CEP170: variants seen among roughly 807,000 people sequenced by gnomAD.
The protein encoded by CEP170 is centrosomal protein 170.
Under a neutral mutation model 151.9 loss-of-function variants are expected in CEP170, and 21 were observed. That is an observed-to-expected ratio of 0.14 (90% CI 0.10 to 0.20). The LOEUF is 0.20. Ranked by LOEUF, CEP170 falls within the 10% of genes least tolerant of loss-of-function variation. The pLI is 1.00. For synonymous variants in CEP170, 356 were observed against 648.8 expected (o/e 0.55, Z 6.86); for missense variants, 964 against 1,892.9 (o/e 0.51, Z 9.11).
At chr1:243,229,388 T>G (rs940283308) in intron 1 of CEP170, among the ~76,000 whole-genome samples, 1 of 151,998 alleles carries the variant, frequency 6.6e-6, no homozygotes, top group African/African-American at 2.4e-5. Flanking sequence ...ATATATACAT[T>G]ACGTTTCGGC....
At chr1:243,202,750 C>CA (rs1312516724) in intron 4 of CEP170, among the ~76,000 whole-genome samples, 3 of 151,914 alleles carry the variant, frequency 2.0e-5, no homozygotes, top group East Asian at 1.9e-4. Context: ...GTTTTATCCG[C>CA]AAAAAACTCA....
intron 13 of CEP170, among the ~76,000 whole-genome samples, chr1:243,161,000 G>C (rs1401358155): frequency 6.6e-6 from 1 of 151,066 alleles, no homozygotes; most frequent in African/African-American, 2.4e-5. Flanking sequence ...AATAAATCTG[G>C]ATATTTCAGT....
At chr1:243,239,182 A>C (rs1420778349) in intron 1 of CEP170, among the ~76,000 whole-genome samples, 1 of 152,224 alleles carries the variant, frequency 6.6e-6, no homozygotes, top group East Asian at 1.9e-4. Context: ...TTTTTAAAAA[A>C]CAGAAAGAAC....
At chr1:243,208,504 C>T (rs1445777654) in intron 4 of CEP170, among the ~76,000 whole-genome samples, 2 of 152,042 alleles carry the variant, frequency 1.3e-5, no homozygotes, top group African/African-American at 4.8e-5. Context: ...TCCAACCACA[C>T]TGGCTTTTAA....
At chr1:243,225,004 GA>G (rs1239742914) in intron 2 of CEP170, among the ~76,000 whole-genome samples, 171 bp downstream of exon 2, 4 of 152,148 alleles carry the variant, frequency 2.6e-5, no homozygotes, top group Non-Finnish European at 4.4e-5. Flanking sequence ...TCAAGACTTA[GA>G]ACTTTTTTTA....
chr1:243,215,832 G>A (rs1264596900), intron 3 of CEP170, among the ~76,000 whole-genome samples: 2 of 152,060 alleles, frequency 1.3e-5, no homozygotes, highest in Non-Finnish European at 2.9e-5. Flanking sequence ...TGCTGGTTTT[G>A]CAGCTTGCGG....
intron 11 of CEP170, among the ~76,000 whole-genome samples, chr1:243,170,631 G>T (rs34860261): frequency 6.6e-6 from 1 of 151,622 alleles, no homozygotes; most frequent in East Asian, 2.0e-4. Flanking sequence ...TCGTCTCTAC[G>T]AAAAACACAA....
upstream of CEP170, among the ~76,000 whole-genome samples, chr1:243,255,678 G>A (rs1468363513): frequency 1.3e-5 from 2 of 152,340 alleles, no homozygotes; most frequent in Non-Finnish European, 1.5e-5. Flanking sequence ...TACTATCTGC[G>A]TCCTTGAGTA....
chr1:243,230,233 T>A (rs2063617863), intron 1 of CEP170, among the ~76,000 whole-genome samples: 1 of 150,250 alleles, frequency 6.7e-6, no homozygotes, highest in Non-Finnish European at 1.5e-5. Context: ...ATCCAGGAGG[T>A]TGAAGCTGCA....
At position 243,126,373 on chromosome 1, in the gene CEP170, C is replaced by T. The variant is rs1186282169; in HGVS notation, c.*76G>A. ...TAGCTGACCAAGCTGTCTTGTTTTG[C>T]GTACATCAACACTATGCTGCTTCCA... On this transcript the variant is annotated 3_prime_UTR_variant, in exon 20 of 20. Coordinates refer to ENST00000366542, the MANE Select transcript of CEP170 (RefSeq NM_014812.3). 18 of 1,433,932 alleles carry T rather than the reference C, an allele frequency of 1.3e-5. No individual in the cohort carries two copies. Among genetic ancestry groups the T allele is most frequent in the Admixed American group, 1.1e-4 (5 of 46,658 alleles). The allele number at this position is 1,433,932 out of a possible 1,614,324, so 88.8% of individuals were successfully genotyped here.
At chr1:243,220,591 T>C (rs2062708914) in intron 3 of CEP170, among the ~76,000 whole-genome samples, 1 of 152,254 alleles carries the variant, frequency 6.6e-6, no homozygotes, top group African/African-American at 2.4e-5. Context: ...AATTTCTGCA[T>C]GTTCTTGTAC....
At chr1:243,161,681 T>C (rs1288482343) in intron 13 of CEP170, among the ~76,000 whole-genome samples, 2 of 151,962 alleles carry the variant, frequency 1.3e-5, no homozygotes, top group Admixed American at 6.6e-5. Flanking sequence ...ATTGGAAACA[T>C]TATGGAATTA....
chr1:243,160,614 C>T (rs1168936827), intron 13 of CEP170, among the ~76,000 whole-genome samples: 3 of 152,056 alleles, frequency 2.0e-5, no homozygotes, highest in African/African-American at 7.2e-5. Context: ...TGCAAACACG[C>T]TTCAGAAAAC....
At chr1:243,153,423 C>G (rs910651508) in intron 14 of CEP170, among the ~76,000 whole-genome samples, 11 of 152,158 alleles carry the variant, frequency 7.2e-5, no homozygotes, top group Admixed American at 6.5e-5. Context: ...CACATTGCTA[C>G]AAGGAAATCT....
intron 1 of CEP170, among the ~76,000 whole-genome samples, chr1:243,227,807 T>C (rs1228282541): frequency 6.6e-6 from 1 of 152,196 alleles, no homozygotes; most frequent in Non-Finnish European, 1.5e-5. Context: ...CTGTGGACCC[T>C]TGTAAGGTTT....
intron 1 of CEP170, chr1:243,254,544 A>G (rs1380714949): frequency 6.6e-6 from 1 of 152,162 alleles, no homozygotes; most frequent in Non-Finnish European, 1.5e-5. Context: ...TCACACCCCA[A>G]AACCAATCAC....
chr1:243,138,752 T>A (rs1309641770), intron 16 of CEP170, among the ~76,000 whole-genome samples: 2 of 152,188 alleles, frequency 1.3e-5, no homozygotes, highest in East Asian at 3.9e-4. Context: ...TTTCCAAGTT[T>A]TTGATACTGT....
chr1:243,238,394 G>C (rs1335495521), intron 1 of CEP170, among the ~76,000 whole-genome samples: 2 of 152,166 alleles, frequency 1.3e-5, no homozygotes, highest in African/African-American at 4.8e-5. Flanking sequence ...AGGAGGTCAA[G>C]GATGCAGTGA....
intron 4 of CEP170, among the ~76,000 whole-genome samples, chr1:243,203,078 T>C (rs1430467992): frequency 1.3e-5 from 2 of 152,146 alleles, no homozygotes; most frequent in East Asian, 3.9e-4. Flanking sequence ...AGAAGCCTCT[T>C]GTTTGGGTCA....
Sources: allele counts gnomAD v4.1 joint callset (sites outside exome capture counted in the v4.1 genomes callset), GRCh38; gene constraint gnomAD v4.1.1; transcripts MANE v1.5; gene names NCBI Gene and HGNC (gene_info 2026-07-23, HGNC 2026-07-21).